Variants in PLSCR2 observed in about 807,000 individuals in gnomAD.
The protein encoded by PLSCR2 is phospholipid scramblase 2.
A neutral mutation model predicts 25.3 loss-of-function variants in PLSCR2; 18 were observed. The observed-to-expected ratio is 0.71, with a 90% CI of 0.49 to 1.06. The LOEUF (loss-of-function observed/expected upper bound fraction) is 1.06. PLSCR2 is among the 50% of genes least tolerant of loss of function. The probability of loss-of-function intolerance (pLI) is 0.00; values close to 1 mark genes in which losing one functional copy is unlikely to be tolerated. For synonymous variants in PLSCR2, 88 were observed against 87.3 expected (o/e 1.01, Z -0.04); for missense variants, 243 against 269.5 (o/e 0.90, Z 0.69).
intron 3 of PLSCR2, among the ~76,000 whole-genome samples, chr3:146,456,231 G>C (rs759306188): frequency 6.6e-6 from 1 of 152,120 alleles, no homozygotes; most frequent in Non-Finnish European, 1.5e-5. Context: ...TCTTACCAAG[G>C]ACTTCCATAT....
At chr3:146,440,129 T>C (rs970219825), downstream of PLSCR2, among the ~76,000 whole-genome samples, 1 of 152,198 alleles carries the variant, frequency 6.6e-6, no homozygotes, top group East Asian at 1.9e-4. Flanking sequence ...TGATCCTTCC[T>C]CTGGAAGCTT....
At chr3:146,450,267 C>T (rs1203701599) in intron 5 of PLSCR2, among the ~76,000 whole-genome samples, 2 of 152,198 alleles carry the variant, frequency 1.3e-5, no homozygotes, top group African/African-American at 4.8e-5. Context: ...ATATACAGGT[C>T]ACATGTGTCA....
chr3:146,446,590 G>A (rs1031809426), intron 6 of PLSCR2, among the ~76,000 whole-genome samples: 1 of 152,132 alleles, frequency 6.6e-6, no homozygotes, highest in South Asian at 2.1e-4. Flanking sequence ...CACTAGAACT[G>A]AACTGGGTCA....
chr3:146,470,282 C>A (rs567236712), intron 1 of PLSCR2, among the ~76,000 whole-genome samples: 1 of 152,152 alleles, frequency 6.6e-6, no homozygotes, highest in South Asian at 2.1e-4. Flanking sequence ...TTTATTTACA[C>A]GCCTGAAACC....
At chr3:146,465,830 CATG>C (rs1576696051) in intron 1 of PLSCR2, among the ~76,000 whole-genome samples, 2 of 152,180 alleles carry the variant, frequency 1.3e-5, no homozygotes, top group Non-Finnish European at 2.9e-5. Context: ...CATTCAGTTA[CATG>C]ATATGTAAAT....
chr3:146,411,382 A>C (rs2038843403), intron 2 of PLSCR2, among the ~76,000 whole-genome samples: 1 of 152,194 alleles, frequency 6.6e-6, no homozygotes, highest in Non-Finnish European at 1.5e-5. Context: ...TCGAAGTCAA[A>C]TCTGACATAC....
At chr3:146,423,278 TCTCTC>T (rs2039221219) in intron 2 of PLSCR2, among the ~76,000 whole-genome samples, 1 of 131,834 alleles carries the variant, frequency 7.6e-6, no homozygotes, top group Non-Finnish European at 1.6e-5. Flanking sequence ...TCTCTCTCTC[TCTCTC>T]CCTGGCTAGA....
At chr3:146,449,409 A>C in intron 5 of PLSCR2, 42 bp from the exon 6 acceptor site, 1 of 1,401,606 alleles carries the variant, frequency 7.1e-7, no homozygotes, top group Non-Finnish European at 9.8e-7. Flanking sequence ...TTTCTAGAAA[A>C]CTTATAGCAA....
intron 2 of PLSCR2, among the ~76,000 whole-genome samples, chr3:146,412,321 T>C (rs527481583): frequency 3.9e-5 from 6 of 152,284 alleles, no homozygotes; most frequent in Non-Finnish European, 8.8e-5. Flanking sequence ...GTATTGACTT[T>C]GCTCCTGTGA....
chr3:146,430,530 T>A (rs1201124643), downstream of PLSCR2, among the ~76,000 whole-genome samples: 1 of 152,212 alleles, frequency 6.6e-6, no homozygotes, highest in East Asian at 1.9e-4. Flanking sequence ...TGTCCTTAAA[T>A]GATAGCAGCA....
At chr3:146,453,652 G>A (rs1000345253) in intron 5 of PLSCR2, among the ~76,000 whole-genome samples, 3 of 152,136 alleles carry the variant, frequency 2.0e-5, no homozygotes, top group Non-Finnish European at 4.4e-5. Context: ...TTAGATTAAG[G>A]AAGGATCCAT....
intron 5 of PLSCR2, among the ~76,000 whole-genome samples, chr3:146,452,222 T>C (rs1395445029): frequency 2.0e-5 from 3 of 152,050 alleles, no homozygotes; most frequent in Non-Finnish European, 2.9e-5. Context: ...AGAAGGAGAA[T>C]TGGTTGACAT....
chr3:146,461,169 A>G (rs2041550199), upstream of PLSCR2, among the ~76,000 whole-genome samples: 1 of 152,220 alleles, frequency 6.6e-6, no homozygotes, highest in Non-Finnish European at 1.5e-5. Flanking sequence ...GTGATTCCAT[A>G]GGAATGAAAA....
intron 2 of PLSCR2, among the ~76,000 whole-genome samples, chr3:146,415,845 T>G (rs577614610): frequency 3.9e-5 from 6 of 152,322 alleles, no homozygotes; most frequent in Admixed American, 3.3e-4. Context: ...ATACCAGGTT[T>G]CTAACGCACA....
intron 1 of PLSCR2, among the ~76,000 whole-genome samples, chr3:146,477,461 C>G (rs945314810): frequency 9.2e-5 from 14 of 152,240 alleles, no homozygotes; most frequent in African/African-American, 2.9e-4. Flanking sequence ...ACGTCCCACA[C>G]CCATGGAGCC....
At chr3:146,467,229 C>A (rs1164656656) in intron 1 of PLSCR2, among the ~76,000 whole-genome samples, 1 of 152,054 alleles carries the variant, frequency 6.6e-6, no homozygotes, top group Non-Finnish European at 1.5e-5. Flanking sequence ...GAATATTGAT[C>A]AACTAGACCC....
chr3:146,462,500 T>A (rs1456774427), upstream of PLSCR2, among the ~76,000 whole-genome samples: 2 of 151,450 alleles, frequency 1.3e-5, no homozygotes, highest in African/African-American at 2.4e-5. Context: ...AGTCTCCCTC[T>A]GTCACCAAGC....
rs576296744 is a variant in PLSCR2, at chr3:146,425,940, A to C, written c.101-30019T>G. 2.0e-5 allele frequency among the ~76,000 whole-genome samples: 3 copies of C among 152,234 alleles called. No homozygotes were observed. In the South Asian group the frequency reaches 6.2e-4, roughly 32 times the overall value. Reference sequence around the variant, plus strand: ...TTCTTTGTAAATTTACAAGTATCTTATTGAGTGCTGCTTTGAGACAATGTA... The same window carrying C: ...TTCTTTGTAAATTTACAAGTATCTTCTTGAGTGCTGCTTTGAGACAATGTA... On this transcript the variant is annotated intron_variant and NMD_transcript_variant, in intron 2 of 3. Coordinates refer to the PLSCR2 transcript ENST00000463633.
upstream of PLSCR2, chr3:146,461,716 G>A: frequency 1.6e-6 from 1 of 611,590 alleles, no homozygotes; most frequent in South Asian, 2.1e-5. Flanking sequence ...CGTGAGAGAG[G>A]AGAGTCATAA....
Sources: gnomAD v4.1 joint callset for allele counts (sites outside exome capture counted in the v4.1 genomes callset) on GRCh38, gnomAD v4.1.1 for gene constraint, MANE v1.5 for transcripts, NCBI Gene and HGNC (gene_info 2026-07-23, HGNC 2026-07-21) for gene names.